The following AOAH variants were observed in gnomAD, a reference collection of about 807,000 sequenced individuals.
The protein encoded by AOAH is acyloxyacyl hydrolase (neutrophil).
Under a neutral mutation model 92.2 loss-of-function variants are expected in AOAH, and 64 were observed. The ratio of observed to expected loss-of-function variants is 0.69; its 90% confidence interval spans 0.57 to 0.86. The LOEUF (loss-of-function observed/expected upper bound fraction) is 0.86, where lower values mean the gene tolerates loss of function less well. AOAH is among the 40% of genes least tolerant of loss of function. The pLI is 0.00. For missense variants in AOAH, 656 were observed against 694.6 expected, an observed-to-expected ratio of 0.94 and a Z score of 0.62; for synonymous variants, 263 against 254.5, an observed-to-expected ratio of 1.03 and a Z score of -0.32.
intron 2 of AOAH, among the ~76,000 whole-genome samples, chr7:36,686,078 C>T (rs1379868408): frequency 6.6e-6 from 1 of 151,866 alleles, no homozygotes. Flanking sequence ...GTTCAAGTAA[C>T]AGTATTCTAT....
At chr7:36,565,759 TG>T (rs1319330963) in intron 13 of AOAH, among the ~76,000 whole-genome samples, 1 of 152,010 alleles carries the variant, frequency 6.6e-6, no homozygotes, top group African/African-American at 2.4e-5. Context: ...AGACTTGTCT[TG>T]AACTCCTGAG....
At chr7:36,589,647 A>C (rs1789606746) in intron 12 of AOAH, among the ~76,000 whole-genome samples, 1 of 152,236 alleles carries the variant, frequency 6.6e-6, no homozygotes, top group Admixed American at 6.5e-5. Context: ...TTGAGCACAT[A>C]AATGAGGTTG....
intron 6 of AOAH, among the ~76,000 whole-genome samples, chr7:36,629,617 T>C (rs1792928145): frequency 6.6e-6 from 1 of 152,188 alleles, no homozygotes; most frequent in African/African-American, 2.4e-5. Context: ...AATGGCACTT[T>C]ACATAGCTGG....
intron 13 of AOAH, among the ~76,000 whole-genome samples, chr7:36,565,032 T>C (rs1787587230): frequency 6.6e-6 from 1 of 152,230 alleles, no homozygotes; most frequent in Admixed American, 6.5e-5. Context: ...TATGTCATAT[T>C]GAATTCTTTC....
intron 1 of AOAH, among the ~76,000 whole-genome samples, chr7:36,711,726 C>A (rs1016247753): frequency 2.6e-5 from 4 of 152,192 alleles, no homozygotes; most frequent in Non-Finnish European, 5.9e-5. Context: ...TCCAGCTAGA[C>A]CGCGAAGATC....
At chr7:36,547,745 G>A (rs1389946064) in intron 15 of AOAH, among the ~76,000 whole-genome samples, 2 of 152,040 alleles carry the variant, frequency 1.3e-5, no homozygotes, top group Admixed American at 1.3e-4. Context: ...CACAGATTTT[G>A]AGAAACCTCC....
chr7:36,700,227 A>G (rs1797950288), intron 1 of AOAH, among the ~76,000 whole-genome samples: 1 of 152,086 alleles, frequency 6.6e-6, no homozygotes, highest in Non-Finnish European at 1.5e-5. Context: ...GTTTTATTAC[A>G]TGGATATATT....
intron 3 of AOAH, 104 bp downstream of exon 3, chr7:36,673,839 C>T: frequency 1.3e-6 from 1 of 752,072 alleles, no homozygotes; most frequent in African/African-American, 1.8e-5. Context: ...GAGCCCTGTC[C>T]AGAAAGCGCA....
chr7:36,690,317 G>T, intron 1 of AOAH: 1 of 347,706 alleles, frequency 2.9e-6, no homozygotes, highest in Admixed American at 3.7e-5. Flanking sequence ...TGCAGGAAAG[G>T]CCATAATGGG....
intron 19 of AOAH, among the ~76,000 whole-genome samples, chr7:36,523,183 C>T (rs545674789): frequency 2.6e-5 from 4 of 152,314 alleles, no homozygotes; most frequent in Non-Finnish European, 5.9e-5. Flanking sequence ...CACACTGAAT[C>T]GCCAGCCCCT....
At chr7:36,664,605 G>A (rs1795429525) in intron 3 of AOAH, among the ~76,000 whole-genome samples, 1 of 151,972 alleles carries the variant, frequency 6.6e-6, no homozygotes, top group East Asian at 1.9e-4. Context: ...TTGATCTTTT[G>A]CCTCTCCATA....
chr7:36,633,891 G>A lies in AOAH; in HGVS notation c.451-1785C>T, dbSNP rs774010257. ...TGCTGTGCGGGCTGCCCTGTGCACTGTGAGATGCTGGGCAGCATCTCTGGC... is the reference window on the plus strand; with the variant it reads ...TGCTGTGCGGGCTGCCCTGTGCACTATGAGATGCTGGGCAGCATCTCTGGC... On this transcript the variant is annotated intron_variant, in intron 5 of 20. Coordinates refer to ENST00000617537, the MANE Select transcript of AOAH (RefSeq NM_001637.4). Among the ~76,000 whole-genome samples the A allele has an allele frequency of 7.6e-4, 116 of 152,156 alleles. 1 individual carries two copies. Among genetic ancestry groups the A allele is most frequent in the Non-Finnish European group, 1.0e-4 (7 of 68,032 alleles).
At chr7:36,528,166 C>A (rs1335195237) in intron 19 of AOAH, among the ~76,000 whole-genome samples, 2 of 152,146 alleles carry the variant, frequency 1.3e-5, no homozygotes, top group Non-Finnish European at 2.9e-5. Flanking sequence ...GAAGGCCCTG[C>A]ACCAAAACTA....
intron 2 of AOAH, among the ~76,000 whole-genome samples, chr7:36,683,223 T>C (rs1407486067): frequency 6.6e-6 from 1 of 152,180 alleles, no homozygotes; most frequent in Non-Finnish European, 1.5e-5. Context: ...GACTTTCAAG[T>C]ATAAAGGGCG....
At chr7:36,566,139 A>G (rs1207887389) in intron 13 of AOAH, among the ~76,000 whole-genome samples, 1 of 69,588 alleles carries the variant, frequency 1.4e-5, no homozygotes, top group African/African-American at 5.8e-5. Context: ...TTTTGTTTGT[A>G]TTATGTTTCC....
chr7:36,615,176 T>C (rs1489239598), intron 11 of AOAH, among the ~76,000 whole-genome samples: 2 of 152,208 alleles, frequency 1.3e-5, no homozygotes, highest in Non-Finnish European at 2.9e-5. Context: ...TTGTGTAATT[T>C]CAGTGATTCC....
chr7:36,695,228 G>T (rs1312609878), intron 1 of AOAH, among the ~76,000 whole-genome samples: 1 of 152,128 alleles, frequency 6.6e-6, no homozygotes, highest in African/African-American at 2.4e-5. Context: ...TTTGGGAATT[G>T]CAATTGATTA....
chr7:36,528,105 C>T (rs1043765097), intron 19 of AOAH, among the ~76,000 whole-genome samples: 3 of 152,060 alleles, frequency 2.0e-5, no homozygotes, highest in African/African-American at 4.8e-5. Context: ...TCACTGTGCC[C>T]ACATGCCTTC....
At chr7:36,607,520 C>T (rs1791097944) in intron 11 of AOAH, among the ~76,000 whole-genome samples, 1 of 152,188 alleles carries the variant, frequency 6.6e-6, no homozygotes, top group East Asian at 1.9e-4. Context: ...TTTCCCACTG[C>T]ACACTCATCT....
Sources: allele counts gnomAD v4.1 joint callset (sites outside exome capture counted in the v4.1 genomes callset), GRCh38; gene constraint gnomAD v4.1.1; transcripts MANE v1.5; gene names NCBI Gene and HGNC (gene_info 2026-07-23, HGNC 2026-07-21).